The following ANKDD1A variants were observed in gnomAD, a reference collection of about 807,000 sequenced individuals.
The protein encoded by ANKDD1A is ankyrin repeat and death domain-containing protein 1A.
In ANKDD1A, 59 loss-of-function variants were observed where a neutral mutation model predicts 63.5. The ratio of observed to expected loss-of-function variants is 0.93; its 90% CI spans 0.75 to 1.15. The LOEUF (loss-of-function observed/expected upper bound fraction) is 1.15, where lower values mean the gene tolerates loss of function less well. Among genes scored for constraint, ANKDD1A ranks in the 50% most tolerant of loss-of-function variants. The pLI is 0.00. For missense variants in ANKDD1A, 632 were observed against 656.4 expected, an observed-to-expected ratio of 0.96 and a Z score of 0.41; for synonymous variants, 266 against 263.9, an observed-to-expected ratio of 1.01 and a Z score of -0.08.
intron 13 of ANKDD1A, among the ~76,000 whole-genome samples, chr15:64,948,501 C>G (rs2085241546): frequency 6.6e-6 from 1 of 152,006 alleles, no homozygotes. Flanking sequence ...CAGACTCAGC[C>G]TTTTATAAAG....
intron 2 of ANKDD1A, 21 bp from the exon 3 acceptor site, chr15:64,917,365 G>A: frequency 1.3e-6 from 2 of 1,590,960 alleles, no homozygotes; most frequent in Admixed American, 1.7e-5. Flanking sequence ...CACCTGACAA[G>A]TGTCATCTCC....
intron 6 of ANKDD1A, 137 bp from the exon 7 acceptor site, chr15:64,930,685 C>A: frequency 1.4e-6 from 1 of 722,952 alleles, no homozygotes; most frequent in Non-Finnish European, 2.3e-6. Context: ...CTTGAATCTG[C>A]CCCTGGTTAT....
chr15:64,949,985 T>C lies in ANKDD1A; in HGVS notation c.1483+13T>C. ...AGGGACCTGGCTGGTAAGAGCGTACTCTGCTGGGCTGCTTCTCAGGAGCTG... is the reference window on the plus strand; with the variant it reads ...AGGGACCTGGCTGGTAAGAGCGTACCCTGCTGGGCTGCTTCTCAGGAGCTG... On this transcript the variant is annotated intron_variant, in intron 14 of 14. Transcript: ENST00000319580. 6.2e-7 allele frequency: 1 copy of C among 1,606,206 alleles called. No individual in the cohort carries two copies. Among genetic ancestry groups the C allele is most frequent in the East Asian group, 2.2e-5 (1 of 44,818 alleles).
chr15:64,951,472 T>TTC (rs200083333), intron 14 of ANKDD1A: 116,766 of 131,046 alleles, frequency 0.89, 52,442 homozygotes, highest in East Asian at 0.99. Context: ...CTCTTTTTTC[T>TTC]TTTCTTCTTC....
At chr15:64,947,106 C>T (rs1354137895) in intron 12 of ANKDD1A, among the ~76,000 whole-genome samples, 1 of 152,158 alleles carries the variant, frequency 6.6e-6, no homozygotes, top group Non-Finnish European at 1.5e-5. Context: ...TCTGGAAAGG[C>T]TCCCTGGAAG....
chr15:64,952,735 TTCC>T (rs1170449784), intron 14 of ANKDD1A, among the ~76,000 whole-genome samples: 13 of 126,538 alleles, frequency 1.0e-4, no homozygotes, highest in East Asian at 8.7e-4. Context: ...CTTCTCCTTC[TTCC>T]TCCTTCTTTC....
At chr15:64,931,018 G>C in intron 7 of ANKDD1A, 98 bp downstream of exon 7, 1 of 1,293,588 alleles carries the variant, frequency 7.7e-7, no homozygotes, top group Non-Finnish European at 1.1e-6. Flanking sequence ...AAAGCCAGAA[G>C]GCTGAGGGCA....
At position 64,951,371 on chromosome 15, in the gene ANKDD1A, T is replaced by TTCC. The variant is rs2085271387; in HGVS notation, c.1483+1401_1483+1402insCTC. 1.1e-5 allele frequency: 5 copies of TTCC among 445,740 alleles called. No homozygotes were observed. In the African/African-American group the frequency reaches 1.3e-4, roughly 11 times the overall value. 27.6% of individuals were successfully genotyped at this position (445,740 alleles called of 1,614,324 possible). ...TCCTCTTCTTTCTTCTTCCTCTTTC[T>TTCC]TCTTTCTTTTTCTTTTCTTCTTCCT... On this transcript the variant is annotated intron_variant, in intron 14 of 14. Transcript: ENST00000319580.
At chr15:64,916,409 T>G (rs1196641110) in intron 2 of ANKDD1A, among the ~76,000 whole-genome samples, 3 of 151,792 alleles carry the variant, frequency 2.0e-5, no homozygotes, top group Non-Finnish European at 4.4e-5. Context: ...ACTGTAGCCT[T>G]GACCTTCCTG....
intron 9 of ANKDD1A, among the ~76,000 whole-genome samples, chr15:64,940,843 A>G (rs372172796): frequency 1.3e-5 from 2 of 152,126 alleles, no homozygotes; most frequent in Non-Finnish European, 2.9e-5. Context: ...GGTTCAAGCA[A>G]TCCTCCTGCC....
At chr15:64,927,070 T>A in intron 6 of ANKDD1A, 71 bp downstream of exon 6, 1 of 1,519,840 alleles carries the variant, frequency 6.6e-7, no homozygotes, top group Non-Finnish European at 9.1e-7. Flanking sequence ...CTCTGGCTCC[T>A]CACCTGTGTC....
intron 2 of ANKDD1A, among the ~76,000 whole-genome samples, chr15:64,917,084 G>T (rs2084973011): frequency 6.6e-6 from 1 of 152,238 alleles, no homozygotes; most frequent in African/African-American, 2.4e-5. Context: ...GTGGTGGGCA[G>T]TGCCAGACCA....
intron 14 of ANKDD1A, among the ~76,000 whole-genome samples, chr15:64,952,552 TTCCTTC>T (rs1182577510): frequency 7.3e-6 from 1 of 137,030 alleles, no homozygotes. Flanking sequence ...CTCCTCCTCC[TTCCTTC>T]TCCTTCGTTC....
chr15:64,956,148 A>G (rs936401642), intron 14 of ANKDD1A, among the ~76,000 whole-genome samples: 4 of 152,184 alleles, frequency 2.6e-5, no homozygotes, highest in African/African-American at 9.7e-5. Flanking sequence ...AAATTGGTTC[A>G]GAGGATAGCT....
At chr15:64,914,068 A>C (rs1368922334) in intron 1 of ANKDD1A, 1 of 151,384 alleles carries the variant, frequency 6.6e-6, no homozygotes, top group Non-Finnish European at 1.5e-5. Flanking sequence ...GCTCACTGCA[A>C]CCTCCAGCTC....
chr15:64,950,882 A>G, intron 14 of ANKDD1A: 1 of 1,194,824 alleles, frequency 8.4e-7, no homozygotes, highest in Non-Finnish European at 1.1e-6. Flanking sequence ...GTGGCATGCA[A>G]TTAAAACATA....
At chr15:64,918,521 A>C (rs190008588) in intron 3 of ANKDD1A, among the ~76,000 whole-genome samples, 62 of 152,288 alleles carry the variant, frequency 4.1e-4, no homozygotes, top group Non-Finnish European at 7.5e-4. Flanking sequence ...CTCCCTGGTG[A>C]AACACTAGAG....
chr15:64,936,437 A>G (rs943682211), intron 9 of ANKDD1A, among the ~76,000 whole-genome samples: 11 of 151,956 alleles, frequency 7.2e-5, no homozygotes, highest in African/African-American at 2.7e-4. Flanking sequence ...TTTGCTGCCT[A>G]TTTATTTATT....
At chr15:64,951,384 T>C (rs2085271890) in intron 14 of ANKDD1A, 37 of 344,904 alleles carry the variant, frequency 1.1e-4, no homozygotes, top group Non-Finnish European at 1.2e-4. Context: ...TTTCTTTTTC[T>C]TTTCTTCTTC....
Sources: gnomAD v4.1 joint callset for allele counts (sites outside exome capture counted in the v4.1 genomes callset) on GRCh38, gnomAD v4.1.1 for gene constraint, MANE v1.5 for transcripts, NCBI Gene and HGNC (gene_info 2026-07-23, HGNC 2026-07-21) for gene names.